The following AP4E1 variants were observed in gnomAD, a reference collection of about 807,000 sequenced individuals.
The protein encoded by AP4E1 is adaptor related protein complex 4 subunit epsilon 1, also known as AP-4 complex subunit epsilon-1.
AP4E1 carries 56 observed loss-of-function variants against 128.2 expected under a neutral mutation model. That is an observed-to-expected ratio of 0.44 (90% CI 0.35 to 0.55). The LOEUF is 0.55. Among genes scored for constraint, AP4E1 ranks in the 20% least tolerant of loss-of-function variants. AP4E1 has a pLI of 0.00. For synonymous variants in AP4E1, 484 were observed against 473.1 expected (o/e 1.02, Z -0.30); for missense variants, 1,324 against 1,307.7 (o/e 1.01, Z -0.19).
Position 51,001,287 on chromosome 15 carries a change from C to G in AP4E1, c.3253+104C>G, listed in dbSNP as rs1459798732. ...TATCAGATTTCTCAGAGCTTTATTT[C>G]CTATTATGACTGTCTTTCAGATGAA... On this transcript the variant is annotated intron_variant, in intron 20 of 20. Coordinates refer to ENST00000261842, the MANE Select transcript of AP4E1 (RefSeq NM_007347.5). 3.7e-5 allele frequency: 40 copies of G among 1,075,606 alleles called. 1 individual carries two copies. Among genetic ancestry groups the G allele is most frequent in the Non-Finnish European group, 5.3e-5 (39 of 734,210 alleles). 66.6% of individuals were successfully genotyped at this position (1,075,606 alleles called of 1,614,324 possible).
intron 15 of AP4E1, among the ~76,000 whole-genome samples, chr15:50,968,982 A>G (rs1476167971): frequency 1.3e-5 from 2 of 151,306 alleles, no homozygotes; most frequent in Non-Finnish European, 2.9e-5. Context: ...AATGATCTTT[A>G]TGGGAAACTT....
chr15:50,951,726 C>CTTTTTTTTTTTT (rs71127166), intron 13 of AP4E1, among the ~76,000 whole-genome samples: 1 of 126,030 alleles, frequency 7.9e-6, no homozygotes, highest in Non-Finnish European at 1.7e-5. Flanking sequence ...AATTTTCTTT[C>CTTTTTTTTTTTT]TTTTTTTTTT....
At chr15:50,926,285 C>G (rs543796159) in intron 5 of AP4E1, among the ~76,000 whole-genome samples, 2 of 151,288 alleles carry the variant, frequency 1.3e-5, no homozygotes, top group African/African-American at 2.4e-5. Flanking sequence ...TACAGGAACA[C>G]GCCACCATGC....
In AP4E1 at chr15:50,941,468, GTCTAT is replaced by G; in HGVS notation, c.977_981del (p.Ser326LeufsTer3). 6.2e-7 allele frequency: 1 copy of G among 1,612,998 alleles called. No individual in the cohort carries two copies. Among genetic ancestry groups the G allele is most frequent in the Non-Finnish European group, 8.5e-7 (1 of 1,179,470 alleles). On this transcript the variant is annotated frameshift_variant, in exon 9 of 21. Transcript: ENST00000261842. LOFTEE classifies it high-confidence loss of function. The stretch of plus-strand genomic sequence containing the variant: ...TATTTTGTTTGAATGTGTGCATACA[GTCTAT>G]TCTATTTATCCTAAATCGGAATTAC...
At chr15:50,921,204 G>T (rs2063699391) in intron 3 of AP4E1, among the ~76,000 whole-genome samples, 1 of 151,984 alleles carries the variant, frequency 6.6e-6, no homozygotes, top group Admixed American at 6.6e-5. Context: ...TAGCCAGGCT[G>T]GTCTCAAACT....
At position 50,949,915 on chromosome 15, in the gene AP4E1, A is replaced by G. The variant is rs1260822494; in HGVS notation, c.1406A>G (p.Asn469Ser). ...GTAATGCATCCTGATATTCCCAATA[A>G]CTTTCTGAGACTACTAGCGGAAGGT... ...GDVMHPDIPN[N>S]FLRLLAEGFD... The change falls in exon 12 of 21, where the codon AAC becomes AGC. Residue 469 changes from asparagine (N) to serine (S), a missense_variant. Transcript: ENST00000261842. 2.5e-6 allele frequency: 4 copies of G among 1,613,176 alleles called. No individual in the cohort carries two copies. Among genetic ancestry groups the G allele is most frequent in the African/African-American group, 2.7e-5 (2 of 74,916 alleles).
chr15:50,958,507 T>C lies in AP4E1; in HGVS notation c.1564T>C (p.Ser522Pro), dbSNP rs760209129. The C allele has an allele frequency of 3.1e-6, 5 of 1,612,112 alleles. No individual in the cohort carries two copies. The highest frequency in any genetic ancestry group is 4.2e-6 in the Non-Finnish European group (5 of 1,178,914). ...QVMSWVLGEY[S>P]YLLDKETPEE... ...TTATTTACAGGTATTAGGGGAATAT[T>C]CCTACCTCTTAGATAAGGAAACGCC... is the stretch of plus-strand genomic sequence containing the variant. The change falls in exon 14 of 21, where the codon TCC becomes CCC. Residue 522 changes from serine to proline, a missense_variant. Transcript: ENST00000261842.
At chr15:50,922,586 G>A (rs2063719532) in intron 3 of AP4E1, among the ~76,000 whole-genome samples, 1 of 152,146 alleles carries the variant, frequency 6.6e-6, no homozygotes, top group African/African-American at 2.4e-5. Flanking sequence ...TAGAATCCCT[G>A]ATGAAAAGGC....
rs2064956161 is a variant in AP4E1 at position 51,001,068 on chromosome 15, A to G, written c.3138A>G (p.Leu1046=). 2 of 1,613,434 alleles carry G rather than the reference A, an allele frequency of 1.2e-6. No individual in the cohort carries two copies. Among genetic ancestry groups the G allele is most frequent in the Non-Finnish European group, 1.7e-6 (2 of 1,179,648 alleles). ...GTGACGACTTTGGGAAACTCTGGTT[A>G]TCCTTCGCAAATGATGTGAAACAAA... ...ISSDDFGKLW[L]SFANDVKQNV... is the part of the protein sequence containing the mutation. The change falls in exon 20 of 21, where the codon TTA becomes TTG. Residue 1046 remains leucine (L), a synonymous_variant. Transcript: ENST00000261842.
intron 2 of AP4E1, among the ~76,000 whole-genome samples, chr15:50,914,145 G>A (rs1179407613): frequency 6.6e-6 from 1 of 152,150 alleles, no homozygotes; most frequent in Admixed American, 6.5e-5. Flanking sequence ...TAATTAATGT[G>A]TTAATGAATT....
chr15:50,908,755 G>A lies in AP4E1; in HGVS notation c.-24G>A, dbSNP rs1268953630. 3.3e-6 allele frequency: 5 copies of A among 1,511,022 alleles called. No individual in the cohort carries two copies. The highest frequency in any genetic ancestry group is 3.5e-6 in the Non-Finnish European group (4 of 1,132,632). The allele number at this position is 1,511,022 out of a possible 1,614,324, so 93.6% of individuals were successfully genotyped here. A position where few individuals can be genotyped will look rare whatever the true frequency, so the allele number is the denominator to read the frequency against. ...GGCGGCTACGGGATCGCGGGCGGCG[G>A]CGGCATCGCGGGCGGCGGCGGCGAT... On this transcript the variant is annotated 5_prime_UTR_variant, in exon 1 of 21. Transcript: ENST00000261842.
At position 50,934,641 on chromosome 15, in the gene AP4E1, A is replaced by G. The variant is rs2063882975; in HGVS notation, c.887A>G (p.Tyr296Cys). ...KDDQRTSELM[Y>C]DVLDESLRRA... Reference sequence around the variant, plus strand: ...TTAAACAGGACAAGTGAATTAATGTATGATGTTCTTGATGAATCCTTACGA... The same window carrying G: ...TTAAACAGGACAAGTGAATTAATGTGTGATGTTCTTGATGAATCCTTACGA... Residue 296 changes from tyrosine (Y) to cysteine (C), a missense_variant, in exon 8 of 21, where the codon TAT (tyrosine) becomes TGT (cysteine). Coordinates refer to ENST00000261842, the MANE Select transcript of AP4E1 (RefSeq NM_007347.5). 2 of 1,607,496 alleles carry G rather than the reference A, an allele frequency of 1.2e-6. No homozygotes were observed. Among genetic ancestry groups the G allele is most frequent in the Admixed American group, 1.7e-5 (1 of 59,946 alleles).
At chr15:50,926,218 C>T (rs970767475) in intron 5 of AP4E1, among the ~76,000 whole-genome samples, 2 of 151,024 alleles carry the variant, frequency 1.3e-5, no homozygotes, top group Admixed American at 6.6e-5. Flanking sequence ...GCTCACTGCA[C>T]GCTCCACCTC....
chr15:50,994,433 A>T (rs1422703452), intron 17 of AP4E1, among the ~76,000 whole-genome samples: 1 of 152,106 alleles, frequency 6.6e-6, no homozygotes, highest in Non-Finnish European at 1.5e-5. Flanking sequence ...CATTCCTGTC[A>T]GTACCAGGCC....
intron 10 of AP4E1, among the ~76,000 whole-genome samples, chr15:50,944,512 T>G (rs979903228): frequency 3.3e-5 from 5 of 152,092 alleles, no homozygotes; most frequent in African/African-American, 1.2e-4. Flanking sequence ...AGCAGCTCCA[T>G]AAGTTGAAAG....
intron 1 of AP4E1, among the ~76,000 whole-genome samples, chr15:50,910,275 G>T (rs1360338212): frequency 6.6e-6 from 1 of 152,188 alleles, no homozygotes; most frequent in Non-Finnish European, 1.5e-5. Context: ...GAGCCACCGC[G>T]CCGGGCCCCC....
intron 11 of AP4E1, among the ~76,000 whole-genome samples, chr15:50,949,567 C>T (rs1269260841): frequency 6.6e-6 from 1 of 151,962 alleles, no homozygotes; most frequent in Non-Finnish European, 1.5e-5. Context: ...TCAGTTATTT[C>T]ACATTTATTT....
intron 15 of AP4E1, among the ~76,000 whole-genome samples, chr15:50,974,537 G>C (rs999744569): frequency 3.3e-5 from 5 of 152,068 alleles, no homozygotes; most frequent in African/African-American, 7.2e-5. Context: ...AAAGCACTGG[G>C]ATTATAGGCA....
intron 5 of AP4E1, among the ~76,000 whole-genome samples, chr15:50,927,889 G>A (rs1001902021): frequency 6.6e-6 from 1 of 152,146 alleles, no homozygotes; most frequent in African/African-American, 2.4e-5. Flanking sequence ...CTTTTGTGAT[G>A]TTTGCTGCTG....
Sources: gnomAD v4.1 joint callset for allele counts (sites outside exome capture counted in the v4.1 genomes callset) on GRCh38, gnomAD v4.1.1 for gene constraint, MANE v1.5 for transcripts, NCBI Gene and HGNC (gene_info 2026-07-23, HGNC 2026-07-21) for gene names.